The following ZNF365 variants were observed in gnomAD, a reference collection of about 807,000 sequenced individuals.
The protein encoded by ZNF365 is protein ZNF365.
In ZNF365, 22 loss-of-function variants were observed where a neutral mutation model predicts 35.0. The observed-to-expected ratio is 0.63, with a 90% CI of 0.45 to 0.90. ZNF365 has a LOEUF of 0.90. Ranked by LOEUF, ZNF365 falls within the 40% of genes least tolerant of loss-of-function variation. The pLI, the probability that ZNF365 is intolerant of heterozygous loss-of-function variation, is 0.00. For synonymous variants in ZNF365, 188 were observed against 196.2 expected, an observed-to-expected ratio of 0.96 and a Z score of 0.35; for missense variants, 448 against 500.3, an observed-to-expected ratio of 0.90 and a Z score of 1.00.
At chr10:62,388,024 G>A (rs913122836) in intron 2 of ZNF365, among the ~76,000 whole-genome samples, 8 of 152,070 alleles carry the variant, frequency 5.3e-5, no homozygotes. Flanking sequence ...CTAAACACCT[G>A]CATGGCTTCT....
At chr10:62,386,138 A>G (rs184601886) in intron 2 of ZNF365, among the ~76,000 whole-genome samples, 1 of 152,304 alleles carries the variant, frequency 6.6e-6, no homozygotes, top group African/African-American at 2.4e-5. Context: ...AGCAAGAACC[A>G]TGAAAGGGCT....
chr10:62,379,024 A>ATT (rs35163241), intron 2 of ZNF365, among the ~76,000 whole-genome samples: 53,695 of 138,770 alleles, frequency 0.39, 10,781 homozygotes, highest in African/African-American at 0.48. Flanking sequence ...TTACGAGTTG[A>ATT]TTTTTTTTTT....
intron 4 of ZNF365, among the ~76,000 whole-genome samples, chr10:62,465,824 T>G (rs1840933792): frequency 6.6e-6 from 1 of 152,186 alleles, no homozygotes; most frequent in African/African-American, 2.4e-5. Context: ...GCTGGCTTAC[T>G]GAGCTGCAGG....
At chr10:62,408,563 T>C (rs907213617) in intron 3 of ZNF365, among the ~76,000 whole-genome samples, 2 of 152,192 alleles carry the variant, frequency 1.3e-5, no homozygotes, top group Admixed American at 6.5e-5. Flanking sequence ...TATAAGGTTT[T>C]TAGCATAATA....
intron 3 of ZNF365, among the ~76,000 whole-genome samples, chr10:62,450,342 T>C (rs1840660686): frequency 6.6e-6 from 1 of 152,184 alleles, no homozygotes; most frequent in South Asian, 2.1e-4. Flanking sequence ...GTACTATTAT[T>C]GTCCCAAATT....
At chr10:62,453,426 C>T (rs1840714718) in intron 3 of ZNF365, among the ~76,000 whole-genome samples, 3 of 152,282 alleles carry the variant, frequency 2.0e-5, no homozygotes, top group Non-Finnish European at 2.9e-5. Context: ...AAAATAATGG[C>T]CTCCAGTTCC....
intron 3 of ZNF365, among the ~76,000 whole-genome samples, chr10:62,444,641 G>A (rs755648380): frequency 6.6e-6 from 1 of 152,048 alleles, no homozygotes; most frequent in African/African-American, 2.4e-5. Flanking sequence ...ATTCTTTCCT[G>A]CATGGGCCCT....
chr10:62,417,039 C>A (rs1233907363), intron 3 of ZNF365, among the ~76,000 whole-genome samples: 1 of 152,030 alleles, frequency 6.6e-6, no homozygotes, highest in East Asian at 1.9e-4. Flanking sequence ...ATAAGACTTA[C>A]TGGAAATAGT....
intron 3 of ZNF365, among the ~76,000 whole-genome samples, chr10:62,425,506 G>A (rs566686908): frequency 2.0e-4 from 31 of 152,264 alleles, no homozygotes; most frequent in Admixed American, 8.5e-4. Context: ...AGTTCACAGA[G>A]TAACAACTAC....
intron 3 of ZNF365, 120 bp downstream of exon 3, chr10:62,388,696 A>G: frequency 8.3e-7 from 1 of 1,201,368 alleles, no homozygotes; most frequent in South Asian, 1.5e-5. Context: ...ATTTGAGAGC[A>G]CTGCCTGGGC....
At chr10:62,419,328 A>C (rs528673870) in intron 3 of ZNF365, among the ~76,000 whole-genome samples, 73 of 152,212 alleles carry the variant, frequency 4.8e-4, no homozygotes, top group Non-Finnish European at 8.4e-4. Context: ...TAAAAACTGC[A>C]CATAATGATA....
downstream of ZNF365, among the ~76,000 whole-genome samples, chr10:62,403,277 C>T (rs75662252): frequency 7.5e-3 from 1,135 of 152,230 alleles, 15 homozygotes; most frequent in African/African-American, 0.025. Context: ...AGGACTTCAT[C>T]GTCATTGTCT....
rs775896299 is a variant in ZNF365, at chr10:62,398,741, T to G, written c.926T>G (p.Leu309Arg). The change falls in exon 4 of 5, where the codon CTT becomes CGT. Residue 309 changes from leucine (L) to arginine (R), a missense_variant and splice_region_variant. By Grantham distance (102) the Leu-to-Arg change is moderately radical. Transcript: ENST00000395254. ...GFVRDLSGHV[L>R]TDISSNRKPK... is the part of the protein sequence containing the mutation. ...TTTTTCTTATTTGTTTTCCTTCAGCTTACAGACATCTCCTCAAATAGGAAG... is the reference window on the plus strand; with the variant it reads ...TTTTTCTTATTTGTTTTCCTTCAGCGTACAGACATCTCCTCAAATAGGAAG... 6.2e-7 allele frequency: 1 copy of G among 1,612,396 alleles called. No homozygotes were observed. Among genetic ancestry groups the G allele is most frequent in the Non-Finnish European group, 8.5e-7 (1 of 1,179,378 alleles).
chr10:62,441,944 A>C (rs566940965), intron 3 of ZNF365, among the ~76,000 whole-genome samples: 2 of 152,310 alleles, frequency 1.3e-5, no homozygotes, highest in Admixed American at 6.5e-5. Flanking sequence ...GCTTCAGCTC[A>C]TAATGATTCC....
At chr10:62,465,217 A>T (rs1431948952) in intron 4 of ZNF365, among the ~76,000 whole-genome samples, 1 of 152,202 alleles carries the variant, frequency 6.6e-6, no homozygotes, top group Non-Finnish European at 1.5e-5. Context: ...GTCAGGTTGC[A>T]CATGCTTGGA....
chr10:62,379,814 AG>A (rs1321835479), intron 2 of ZNF365, among the ~76,000 whole-genome samples: 3 of 152,160 alleles, frequency 2.0e-5, no homozygotes, highest in Admixed American at 2.0e-4. Context: ...CTTTCAGATA[AG>A]GGAAGACCGT....
chr10:62,428,352 G>A (rs1023271682), intron 3 of ZNF365, among the ~76,000 whole-genome samples: 1 of 152,112 alleles, frequency 6.6e-6, no homozygotes, highest in Admixed American at 6.5e-5. Flanking sequence ...GACCTGGTGG[G>A]ATGAAATTGA....
At chr10:62,399,229 A>G (rs1196521771) in intron 4 of ZNF365, among the ~76,000 whole-genome samples, 15 of 152,206 alleles carry the variant, frequency 9.9e-5, no homozygotes, top group African/African-American at 3.4e-4. Flanking sequence ...CATCTTCTCC[A>G]TAGACCAACT....
At chr10:62,444,441 T>G (rs565437946) in intron 3 of ZNF365, among the ~76,000 whole-genome samples, 1 of 152,262 alleles carries the variant, frequency 6.6e-6, no homozygotes, top group South Asian at 2.1e-4. Context: ...GCTCCTTATC[T>G]ATGGTTCTAG....
Sources: gnomAD v4.1 joint callset for allele counts (sites outside exome capture counted in the v4.1 genomes callset) on GRCh38, gnomAD v4.1.1 for gene constraint, MANE v1.5 for transcripts, NCBI Gene and HGNC (gene_info 2026-07-23, HGNC 2026-07-21) for gene names.